Variants in IL1RAPL2 observed in about 807,000 individuals in gnomAD.
IL1RAPL2 encodes the protein X-linked interleukin-1 receptor accessory protein-like 2.
IL1RAPL2 carries 3 observed loss-of-function variants against 44.1 expected under a neutral mutation model. That is an observed-to-expected ratio of 0.07 (90% confidence interval 0.03 to 0.18). The LOEUF (loss-of-function observed/expected upper bound fraction) is 0.18. Among genes scored for constraint, IL1RAPL2 ranks in the 10% least tolerant of loss-of-function variants. The pLI is 1.00. For synonymous variants in IL1RAPL2, 181 were observed against 178.8 expected (o/e 1.01, Z -0.10); for missense variants, 391 against 496.4 (o/e 0.79, Z 2.02).
rs578254112 is a variant in IL1RAPL2, at chrX:105,131,459, G to T, written c.83-64016G>T. Among the ~76,000 whole-genome samples, 4 of 109,049 alleles carry T rather than the reference G, an allele frequency of 3.7e-5. No homozygotes were observed. In the East Asian group the frequency reaches 1.1e-3, roughly 31 times the overall value. The allele number at this position is 109,049 out of a possible 115,157, so 94.7% of individuals were successfully genotyped here. A position where few individuals can be genotyped will look rare whatever the true frequency, so the allele number is the denominator to read the frequency against. On this transcript the variant is annotated intron_variant, in intron 2 of 10. Coordinates refer to ENST00000372582, the MANE Select transcript of IL1RAPL2 (RefSeq NM_017416.2). ...AGGGTGGTTGTGGACACTGAATTTA[G>T]AATTTCATATAATTTTTACATCATG...
intron 2 of IL1RAPL2, among the ~76,000 whole-genome samples, chrX:104,915,606 C>A (rs1351801694): frequency 9.1e-6 from 1 of 109,408 alleles, no homozygotes; most frequent in Non-Finnish European, 1.9e-5. Context: ...GCTTTTGTTG[C>A]CATTGCTTTT....
intron 3 of IL1RAPL2, chrX:105,220,538 C>G: frequency 1.8e-6 from 1 of 552,328 alleles, no homozygotes; most frequent in Non-Finnish European, 2.7e-6. Flanking sequence ...ACAAGACCGT[C>G]CTAATGACCC....
rs777664940 is a variant in IL1RAPL2 at position 105,116,483 on chromosome X, T to C, written c.83-78992T>C. ...GTAGATTGTGTCCTGCATTTTTTTT[T>C]CCCATAGCAGATTGACATAGCAGTG... is the stretch of plus-strand genomic sequence containing the variant. On this transcript the variant is annotated intron_variant, in intron 2 of 10. Transcript: ENST00000372582. 3.8e-3 allele frequency among the ~76,000 whole-genome samples: 382 copies of C among 100,907 alleles called. 1 individual carries two copies. The highest frequency in any genetic ancestry group is 0.018 in the African/African-American group (368 of 20,511). The allele number at this position is 100,907 out of a possible 115,157, so 87.6% of individuals were successfully genotyped here. A position where few individuals can be genotyped will look rare whatever the true frequency, so the allele number is the denominator to read the frequency against.
intron 2 of IL1RAPL2, among the ~76,000 whole-genome samples, chrX:104,951,314 C>T: frequency 8.9e-6 from 1 of 112,197 alleles, no homozygotes; most frequent in Admixed American, 9.4e-5. Context: ...ATTGATATGA[C>T]ATGTGATAAA....
At chrX:104,585,271 T>TA (rs1355194751) in intron 1 of IL1RAPL2, among the ~76,000 whole-genome samples, 2 of 17,914 alleles carry the variant, frequency 1.1e-4, no homozygotes, top group African/African-American at 4.5e-4. Flanking sequence ...ATATAATATA[T>TA]TATATATATT....
intron 2 of IL1RAPL2, among the ~76,000 whole-genome samples, chrX:105,031,971 A>G: frequency 9.0e-6 from 1 of 111,495 alleles, no homozygotes; most frequent in Non-Finnish European, 1.9e-5. Context: ...GTATGTGTCG[A>G]GGAATTTATC....
chrX:104,872,516 G>A (rs1003932989), intron 2 of IL1RAPL2, among the ~76,000 whole-genome samples: 1 of 111,687 alleles, frequency 9.0e-6, no homozygotes, highest in Non-Finnish European at 1.9e-5. Flanking sequence ...AAGGTCACAA[G>A]CTTGGTAAAA....
intron 1 of IL1RAPL2, among the ~76,000 whole-genome samples, chrX:104,574,465 T>C (rs1314848666): frequency 8.9e-6 from 1 of 112,103 alleles, no homozygotes; most frequent in Non-Finnish European, 1.9e-5. Flanking sequence ...CAACGTACTG[T>C]TTAAATTGGT....
intron 6 of IL1RAPL2, among the ~76,000 whole-genome samples, chrX:105,713,919 T>C (rs1391260737): frequency 1.8e-5 from 2 of 111,712 alleles, no homozygotes; most frequent in African/African-American, 3.3e-5. Flanking sequence ...TAAGTATTAA[T>C]TCCATCTTTA....
chrX:105,075,222 A>C (rs2032275457), intron 2 of IL1RAPL2, among the ~76,000 whole-genome samples: 1 of 111,524 alleles, frequency 9.0e-6, no homozygotes, highest in African/African-American at 3.3e-5. Context: ...TTCCATCAAT[A>C]CCTAATTTCT....
intron 6 of IL1RAPL2, among the ~76,000 whole-genome samples, chrX:105,591,063 G>A (rs924117824): frequency 4.5e-5 from 5 of 109,942 alleles, no homozygotes; most frequent in Admixed American, 9.8e-5. Flanking sequence ...TGGTTGTTAG[G>A]CTTTTTATTA....
At chrX:105,457,323 G>T (rs1051528318) in intron 5 of IL1RAPL2, among the ~76,000 whole-genome samples, 1 of 111,029 alleles carries the variant, frequency 9.0e-6, no homozygotes, top group Non-Finnish European at 1.9e-5. Context: ...TCACAATGTT[G>T]TGTATCCATC....
intron 3 of IL1RAPL2, among the ~76,000 whole-genome samples, chrX:105,218,045 T>C (rs889342664): frequency 1.3e-4 from 14 of 110,789 alleles, no homozygotes; most frequent in African/African-American, 4.6e-4. Flanking sequence ...CAAACCACCA[T>C]GGCACGTGTA....
chrX:104,591,969 G>C (rs895597976), intron 1 of IL1RAPL2, among the ~76,000 whole-genome samples: 28 of 110,153 alleles, frequency 2.5e-4, no homozygotes, highest in African/African-American at 7.9e-4. Context: ...CTAAGAATGA[G>C]ACCAGATAAT....
At chrX:104,784,060 G>A (rs1473954227) in intron 2 of IL1RAPL2, among the ~76,000 whole-genome samples, 1 of 111,341 alleles carries the variant, frequency 9.0e-6, no homozygotes, top group Non-Finnish European at 1.9e-5. Flanking sequence ...ATAATTCCTA[G>A]GAACCTTGCC....
chrX:105,752,205 C>G (rs1208317391), intron 9 of IL1RAPL2, among the ~76,000 whole-genome samples: 2 of 111,651 alleles, frequency 1.8e-5, no homozygotes, highest in Non-Finnish European at 3.8e-5. Context: ...TGCAGTCACA[C>G]ACACACACAC....
chrX:105,163,949 C>A (rs1284567238), intron 2 of IL1RAPL2, among the ~76,000 whole-genome samples: 1 of 111,322 alleles, frequency 9.0e-6, no homozygotes, highest in Non-Finnish European at 1.9e-5. Context: ...CAAAGGTTAT[C>A]TTTATACAGT....
At chrX:105,369,637 C>T (rs904389506) in intron 5 of IL1RAPL2, among the ~76,000 whole-genome samples, 3 of 111,607 alleles carry the variant, frequency 2.7e-5, no homozygotes, top group African/African-American at 9.8e-5. Flanking sequence ...GGGGAGATAG[C>T]TGCTGAATGT....
intron 5 of IL1RAPL2, among the ~76,000 whole-genome samples, chrX:105,283,225 G>T (rs1024402606): frequency 9.0e-6 from 1 of 111,362 alleles, no homozygotes; most frequent in African/African-American, 3.3e-5. Flanking sequence ...TATAATGAGA[G>T]GGGGGAGAAT....
Sources: allele counts gnomAD v4.1 joint callset (sites outside exome capture counted in the v4.1 genomes callset), GRCh38; gene constraint gnomAD v4.1.1; transcripts MANE v1.5; gene names NCBI Gene and HGNC (gene_info 2026-07-23, HGNC 2026-07-21).